The following RPL15 variants were observed in gnomAD, a reference collection of about 807,000 sequenced individuals.
RPL15 encodes large ribosomal subunit protein eL15.
For synonymous variants in RPL15, 97 were observed against 95.1 expected, an observed-to-expected ratio of 1.02 and a Z score of -0.12; for missense variants, 161 against 271.8, an observed-to-expected ratio of 0.59 and a Z score of 2.87.
At position 23,919,738 on chromosome 3, in the gene RPL15, A is replaced by T; in HGVS notation, c.*237A>T. 7.6e-7 allele frequency: 1 copy of T among 1,323,432 alleles called. No individual in the cohort carries two copies. 82.0% of individuals were successfully genotyped at this position (1,323,432 alleles called of 1,614,324 possible). A position where few individuals can be genotyped will look rare whatever the true frequency, so the allele number is the denominator to read the frequency against. ...TTATTAGGGAGTTGTATGTCAGTGT[A>T]TAAAACATACTGTGTGGTATAACAG... On this transcript the variant is annotated 3_prime_UTR_variant, in exon 4 of 4. Transcript: ENST00000307839.
chr3:23,918,330 C>T (rs1363448380), intron 2 of RPL15, 110 bp from the exon 3 acceptor site: 1 of 1,256,868 alleles, frequency 8.0e-7, no homozygotes, highest in Non-Finnish European at 1.1e-6. Flanking sequence ...TATTAGATAG[C>T]ATTAACTTAC....
downstream of RPL15, among the ~76,000 whole-genome samples, chr3:23,921,155 A>G (rs2001209): frequency 0.39 from 59,399 of 152,008 alleles, 13,668 homozygotes; most frequent in African/African-American, 0.64. Context: ...CTTAAACATG[A>G]CTAATTTGGG....
rs1704948394 is a variant in RPL15 at position 23,919,476 on chromosome 3, C to T, written c.590C>T (p.Thr197Ile). ...CGGGCAGCTTGGAGAAGGCGCAATA[C>T]TCTCCAGCTCCACCGTTACCGCTAA... is the stretch of plus-strand genomic sequence containing the variant. ...SRRAAWRRRN[T>I]LQLHRYR The change falls in exon 4 of 4, where the codon ACT (threonine) becomes ATT (isoleucine). Residue 197 changes from threonine (T) to isoleucine (I), a missense_variant. Coordinates refer to ENST00000307839, the MANE Select transcript of RPL15 (RefSeq NM_002948.5). 1.3e-6 allele frequency: 2 copies of T among 1,589,158 alleles called. No individual in the cohort carries two copies. Among genetic ancestry groups the T allele is most frequent in the East Asian group, 2.2e-5 (1 of 44,680 alleles).
Position 23,919,271 on chromosome 3 carries a change from T to G in RPL15, c.385T>G (p.Phe129Val). ...YWVGEDSTYK[F>V]FEVILIDPFH... is the part of the protein sequence containing the mutation. ...GGTTGGTGAAGATTCCACATACAAA[T>G]TTTTTGAGGTTATCCTCATTGATCC... The change falls in exon 4 of 4, where the codon TTT (phenylalanine) becomes GTT (valine). Residue 129 changes from phenylalanine (F) to valine (V), a missense_variant. Physicochemically the swap from Phe to Val is conservative, Grantham distance 50. Coordinates refer to ENST00000307839, the MANE Select transcript of RPL15 (RefSeq NM_002948.5). 1 of 1,611,782 alleles carries G rather than the reference T, an allele frequency of 6.2e-7. No individual in the cohort carries two copies. The highest frequency in any genetic ancestry group is 8.5e-7 in the Non-Finnish European group (1 of 1,179,562).
In RPL15 at chr3:23,920,184, C is replaced by G. The variant is rs1324858650; in HGVS notation, c.*683C>G. ...CAGTGGCCATTAGATAAATACCTTT[C>G]AAGTGTGAGCTTAGACGTCAACCCT... On this transcript the variant is annotated 3_prime_UTR_variant, in exon 4 of 4. Transcript: ENST00000307839. The G allele has an allele frequency of 2.0e-6, 2 of 985,492 alleles. No homozygotes were observed. Among genetic ancestry groups the G allele is most frequent in the South Asian group, 9.4e-5 (2 of 21,290 alleles). 61.0% of individuals were successfully genotyped at this position (985,492 alleles called of 1,614,324 possible).
rs553886431 is a variant in RPL15, at chr3:23,918,059, G to T, written c.172+28G>T. 8.2e-6 allele frequency: 13 copies of T among 1,588,212 alleles called. 1 individual carries two copies. The South Asian group carries it at 1.4e-4, about 17-fold the overall frequency. On this transcript the variant is annotated intron_variant, in intron 2 of 3. Transcript: ENST00000307839. ...ACGTGATCGACTGCGTGGATGCTTG[G>T]ATAAAATTATATTCGAGAAAAGTTG...
rs1480610168 is a variant in RPL15 at position 23,920,854 on chromosome 3, TTC to T, written c.*1355_*1356del. ...TCTATTAAACTAAAACAAATGGACC[TTC>T]TGTTATTTTTTGTCATCTTACAGTG... On this transcript the variant is annotated 3_prime_UTR_variant, in exon 4 of 4. Transcript: ENST00000307839. 17 of 872,788 alleles carry T rather than the reference TTC, an allele frequency of 1.9e-5. No individual in the cohort carries two copies. The highest frequency in any genetic ancestry group is 2.1e-5 in the Non-Finnish European group (15 of 727,536). 54.1% of individuals were successfully genotyped at this position (872,788 alleles called of 1,614,324 possible).
chr3:23,916,722 G>GCGCGGAGA (rs3842579), upstream of RPL15: 77,873 of 152,250 alleles, frequency 0.51, 20,104 homozygotes, highest in Middle Eastern at 0.58. Flanking sequence ...GGACAGCGCA[G>GCGCGGAGA]CGCGGAGACG....
chr3:23,918,941 A>G, intron 3 of RPL15: 1 of 545,188 alleles, frequency 1.8e-6, no homozygotes, highest in Non-Finnish European at 3.2e-6. Flanking sequence ...TTACCCAGAT[A>G]TTAACATATT....
At chr3:23,921,615 C>T (rs916575118), downstream of RPL15, 18 of 535,334 alleles carry the variant, frequency 3.4e-5, no homozygotes, top group Non-Finnish European at 5.6e-5. Flanking sequence ...CTCACTCTCA[C>T]TCAGGTGGGA....
downstream of RPL15, among the ~76,000 whole-genome samples, chr3:23,921,131 AAAC>A (rs1336830967): frequency 6.6e-6 from 1 of 152,164 alleles, no homozygotes; most frequent in Non-Finnish European, 1.5e-5. Flanking sequence ...TGAGACCTAA[AAAC>A]AAAAAAAATC....
Position 23,919,208 on chromosome 3 carries a change from C to A in RPL15, c.322C>A (p.Arg108Ser), listed in dbSNP as rs1398566766. ...LQSVAEERAG[R>S]HCGALRVLNS... ...TTTCCTATTCTAGGAGCGAGCTGGA[C>A]GCCACTGTGGGGCTCTGAGAGTCCT... Residue 108 changes from arginine (R) to serine (S), a missense_variant, in exon 4 of 4, where the codon CGC (arginine) becomes AGC (serine). Arg to Ser is a moderately radical substitution (Grantham distance 110, BLOSUM62 -1). Transcript: ENST00000307839. 2 of 1,613,502 alleles carry A rather than the reference C, an allele frequency of 1.2e-6. No homozygotes were observed. The highest frequency in any genetic ancestry group is 1.7e-6 in the Non-Finnish European group (2 of 1,179,488).
rs1487123552 is a variant in RPL15 at position 23,920,237 on chromosome 3, G to C, written c.*736G>C. ...AATACTTAACCGTAATGCTAATTGTGATCATTATGAATCCCTTCAGTCACA... is the reference window on the plus strand; with the variant it reads ...AATACTTAACCGTAATGCTAATTGTCATCATTATGAATCCCTTCAGTCACA... On this transcript the variant is annotated 3_prime_UTR_variant, in exon 4 of 4. Coordinates refer to ENST00000307839, the MANE Select transcript of RPL15 (RefSeq NM_002948.5). 21 of 985,726 alleles carry C rather than the reference G, an allele frequency of 2.1e-5. No individual in the cohort carries two copies. The South Asian group carries it at 6.6e-4, about 31-fold the overall frequency. 61.1% of individuals were successfully genotyped at this position (985,726 alleles called of 1,614,324 possible). A position where few individuals can be genotyped will look rare whatever the true frequency, so the allele number is the denominator to read the frequency against.
intron 2 of RPL15, 174 bp from the exon 3 acceptor site, chr3:23,918,266 G>C: frequency 1.1e-6 from 1 of 910,470 alleles, no homozygotes. Context: ...GTGCCTCCCT[G>C]TGTGAGTAGC....
At chr3:23,919,099 G>A in intron 3 of RPL15, 97 bp from the exon 4 acceptor site, 1 of 799,138 alleles carries the variant, frequency 1.3e-6, no homozygotes, top group East Asian at 2.4e-5. Flanking sequence ...AAAGACTCTT[G>A]TCTGGTGGTG....
rs79046159 is a variant in RPL15, at chr3:23,920,986, C to T, written c.*1485C>T. 1 of 158,008 alleles carries T rather than the reference C, an allele frequency of 6.3e-6. No individual in the cohort carries two copies. Among genetic ancestry groups the T allele is most frequent in the African/African-American group, 2.4e-5 (1 of 41,536 alleles). The allele number at this position is 158,008 out of a possible 1,614,324, so 9.8% of individuals were successfully genotyped here. On this transcript the variant is annotated 3_prime_UTR_variant, in exon 4 of 4. Transcript: ENST00000307839. ...AGATAGCATAAAATGTACTTATTCT[C>T]TCAGTTCTTTGATCATTGCATGAAT...
At position 23,920,025 on chromosome 3, in the gene RPL15, C is replaced by T. The variant is rs1704983919; in HGVS notation, c.*524C>T. On this transcript the variant is annotated 3_prime_UTR_variant, in exon 4 of 4. Coordinates refer to ENST00000307839, the MANE Select transcript of RPL15 (RefSeq NM_002948.5). ...AAAGGTGAAAGCTCCTGGTTCAGTG[C>T]CATGGCTTCATGGCATTCAGTGATT... 4 of 986,392 alleles carry T rather than the reference C, an allele frequency of 4.1e-6. No individual in the cohort carries two copies. The highest frequency in any genetic ancestry group is 5.2e-4 in the Middle Eastern group (1 of 1,914). The allele number at this position is 986,392 out of a possible 1,614,324, so 61.1% of individuals were successfully genotyped here.
intron 3 of RPL15, chr3:23,918,839 G>A: frequency 1.9e-6 from 1 of 522,824 alleles, no homozygotes; most frequent in South Asian, 2.8e-5. Context: ...GGCCTGCACA[G>A]CCTAAAATAT....
chr3:23,918,445 G>A lies in RPL15; in HGVS notation c.178G>A (p.Val60Ile), dbSNP rs771958480. The A allele has an allele frequency of 1.1e-5, 18 of 1,612,238 alleles. No homozygotes were observed. Among genetic ancestry groups the A allele is most frequent in the East Asian group, 2.2e-5 (1 of 44,902 alleles). Reference sequence around the variant, plus strand: ...TCGTGTGTGTTTGTGTGTAGGTTACGTTATATATAGGATTCGTGTTCGCCG... The same window carrying A: ...TCGTGTGTGTTTGTGTGTAGGTTACATTATATATAGGATTCGTGTTCGCCG... ...RLGYKAKQGY[V>I]IYRIRVRRGG... Residue 60 changes from valine to isoleucine, a missense_variant, in exon 3 of 4, where the codon GTT (valine) becomes ATT (isoleucine). By Grantham distance (29) the Val-to-Ile change is conservative. Coordinates refer to ENST00000307839, the MANE Select transcript of RPL15 (RefSeq NM_002948.5).
Sources: gnomAD v4.1 joint callset for allele counts (sites outside exome capture counted in the v4.1 genomes callset) on GRCh38, gnomAD v4.1.1 for gene constraint, MANE v1.5 for transcripts, NCBI Gene and HGNC (gene_info 2026-07-23, HGNC 2026-07-21) for gene names.